Variants in NEDD4L observed in about 807,000 individuals in gnomAD.
NEDD4L encodes the protein NEDD4 like E3 ubiquitin protein ligase.
NEDD4L carries 54 observed loss-of-function variants against 148.9 expected under a neutral mutation model. The ratio of observed to expected loss-of-function variants is 0.36; its 90% CI spans 0.29 to 0.45. The LOEUF is 0.45. Ranked by LOEUF, NEDD4L falls within the 20% of genes least tolerant of loss-of-function variation. The pLI, the probability that NEDD4L is intolerant of heterozygous loss-of-function variation, is 1.00. For missense variants in NEDD4L, 856 were observed against 1,233.8 expected, an observed-to-expected ratio of 0.69 and a Z score of 4.59; for synonymous variants, 433 against 440.7, an observed-to-expected ratio of 0.98 and a Z score of 0.22.
At position 58,399,284 on chromosome 18, in the gene NEDD4L, G is replaced by C. The variant is rs2050697031; in HGVS notation, c.*3015G>C. 1 of 152,200 alleles carries C rather than the reference G, an allele frequency of 6.6e-6. No homozygotes were observed. The highest frequency in any genetic ancestry group is 1.5e-5 in the Non-Finnish European group (1 of 68,044). The allele number at this position is 152,200 out of a possible 1,614,324, so 9.4% of individuals were successfully genotyped here. A position where few individuals can be genotyped will look rare whatever the true frequency, so the allele number is the denominator to read the frequency against. On this transcript the variant is annotated 3_prime_UTR_variant, in exon 31 of 31. Transcript: ENST00000400345. Reference sequence around the variant, plus strand: ...GTGTTGCGGTGTATTCCCAGCTTCAGTGCTCTTTTCCTTTTTGCCTGAAAT... The same window carrying C: ...GTGTTGCGGTGTATTCCCAGCTTCACTGCTCTTTTCCTTTTTGCCTGAAAT...
chr18:58,218,429 G>GA (rs1407958502), intron 2 of NEDD4L, among the ~76,000 whole-genome samples: 1 of 152,146 alleles, frequency 6.6e-6, no homozygotes, highest in East Asian at 1.9e-4. Context: ...TTTGAGTTTA[G>GA]AAAAAATTCC....
intron 1 of NEDD4L, among the ~76,000 whole-genome samples, chr18:58,099,966 GT>G (rs200789745): frequency 0.028 from 4,255 of 152,132 alleles, 205 homozygotes; most frequent in African/African-American, 0.095. Context: ...CAAAGTGCAG[GT>G]CCCCCAAAAT....
chr18:58,347,449 G>T (rs886379868), intron 16 of NEDD4L, among the ~76,000 whole-genome samples: 24 of 152,082 alleles, frequency 1.6e-4, no homozygotes, highest in Non-Finnish European at 3.1e-4. Context: ...ATCAGAGTTA[G>T]CATTGAGTGG....
chr18:58,364,274 C>T lies in NEDD4L; in HGVS notation c.1774C>T (p.Pro592Ser). The T allele has an allele frequency of 1.3e-6, 2 of 1,546,572 alleles. No homozygotes were observed. The highest frequency in any genetic ancestry group is 1.8e-6 in the Non-Finnish European group (2 of 1,139,338). Residue 592 changes from proline to serine, a missense_variant, in exon 20 of 31, where the codon CCT (proline) becomes TCT (serine). Coordinates refer to ENST00000400345, the MANE Select transcript of NEDD4L (RefSeq NM_001144967.3). Reference sequence around the variant, plus strand: ...TTATAAATTTATCTTCCAGGCTGTCCCTTACTCCAGAGAATTTAAGCAGAA... The same window carrying T: ...TTATAAATTTATCTTCCAGGCTGTCTCTTACTCCAGAGAATTTAAGCAGAA... ...QNPAITGPAV[P>S]YSREFKQKYD...
intron 2 of NEDD4L, among the ~76,000 whole-genome samples, chr18:58,211,621 AAAT>A (rs1298102525): frequency 2.6e-5 from 4 of 152,246 alleles, no homozygotes; most frequent in Non-Finnish European, 4.4e-5. Flanking sequence ...TAATTGAATA[AAAT>A]AATCCTGAAG....
At chr18:58,278,755 T>A (rs532510820) in intron 5 of NEDD4L, among the ~76,000 whole-genome samples, 4 of 152,380 alleles carry the variant, frequency 2.6e-5, no homozygotes, top group African/African-American at 9.6e-5. Flanking sequence ...TATGTTTGCA[T>A]GTCTGTCTTC....
intron 1 of NEDD4L, among the ~76,000 whole-genome samples, chr18:58,117,572 G>T (rs2085930039): frequency 6.6e-6 from 1 of 152,146 alleles, no homozygotes; most frequent in Admixed American, 6.5e-5. Flanking sequence ...AGTTTCCCTG[G>T]GATTGTTCGA....
intron 5 of NEDD4L, among the ~76,000 whole-genome samples, chr18:58,271,875 CTCTAA>C (rs1391851519): frequency 1.3e-5 from 2 of 152,158 alleles, no homozygotes; most frequent in African/African-American, 4.8e-5. Flanking sequence ...ATGTGCTTCT[CTCTAA>C]TCTAATCTCT....
At chr18:58,217,879 A>G (rs562926049) in intron 2 of NEDD4L, among the ~76,000 whole-genome samples, 19 of 152,286 alleles carry the variant, frequency 1.2e-4, no homozygotes, top group African/African-American at 4.1e-4. Flanking sequence ...TTTTTAAACT[A>G]TTTTATGGTA....
Position 58,271,662 on chromosome 18 carries a change from G to GTGTA in NEDD4L, c.297+19611_297+19614dup, listed in dbSNP as rs535382752. On this transcript the variant is annotated intron_variant, in intron 5 of 30. Coordinates refer to ENST00000400345, the MANE Select transcript of NEDD4L (RefSeq NM_001144967.3). Reference sequence around the variant, plus strand: ...AACGAAAACCAAATTATAAACCAAGGTGTATGGTTGATTGTGGGTTAAGAA... The same window carrying GTGTA: ...AACGAAAACCAAATTATAAACCAAGGTGTATGTATGGTTGATTGTGGGTTAAGAA... Among the ~76,000 whole-genome samples the GTGTA allele has an allele frequency of 2.1e-3, 324 of 152,266 alleles. 1 individual carries two copies. The highest frequency in any genetic ancestry group is 3.6e-3 in the Non-Finnish European group (243 of 68,010).
chr18:58,070,453 T>C (rs996231601), intron 1 of NEDD4L, among the ~76,000 whole-genome samples: 1 of 151,992 alleles, frequency 6.6e-6, no homozygotes, highest in Non-Finnish European at 1.5e-5. Flanking sequence ...ATTTTTTTTG[T>C]AGAGATGGAG....
chr18:58,189,257 A>G (rs2039821604), intron 2 of NEDD4L, among the ~76,000 whole-genome samples: 1 of 152,182 alleles, frequency 6.6e-6, no homozygotes, highest in South Asian at 2.1e-4. Flanking sequence ...TTAAAAGTTC[A>G]GCCCCAGCTG....
intron 1 of NEDD4L, among the ~76,000 whole-genome samples, chr18:58,146,788 A>T (rs1331921523): frequency 6.6e-6 from 1 of 152,138 alleles, no homozygotes; most frequent in Non-Finnish European, 1.5e-5. Flanking sequence ...CTTGCTCCAC[A>T]CTCAGAAGGG....
At chr18:58,327,200 C>T (rs777897057) in intron 9 of NEDD4L, among the ~76,000 whole-genome samples, 7 of 152,150 alleles carry the variant, frequency 4.6e-5, no homozygotes, top group East Asian at 3.9e-4. Flanking sequence ...CAGGTTCAAG[C>T]GATTCTCCTG....
chr18:58,145,880 G>T (rs1327075285), intron 1 of NEDD4L, among the ~76,000 whole-genome samples: 1 of 150,248 alleles, frequency 6.7e-6, no homozygotes, highest in African/African-American at 2.4e-5. Context: ...TGTCAGTCAG[G>T]TGATTGAAAA....
At chr18:58,201,718 T>C (rs8094298) in intron 2 of NEDD4L, among the ~76,000 whole-genome samples, 8,726 of 152,278 alleles carry the variant, frequency 0.057, 812 homozygotes, top group African/African-American at 0.2. Flanking sequence ...GTTCTGGGAT[T>C]ATCCCTCCTC....
At chr18:58,264,401 A>G (rs2049920742) in intron 5 of NEDD4L, among the ~76,000 whole-genome samples, 1 of 152,168 alleles carries the variant, frequency 6.6e-6, no homozygotes, top group Non-Finnish European at 1.5e-5. Context: ...TGTTAGATTC[A>G]CAGATTTGCA....
chr18:58,128,378 T>G (rs1206679870), intron 1 of NEDD4L, among the ~76,000 whole-genome samples: 1 of 152,132 alleles, frequency 6.6e-6, no homozygotes, highest in Non-Finnish European at 1.5e-5. Flanking sequence ...CCCAGGAAAC[T>G]TAATAGGTCA....
Position 58,256,818 on chromosome 18 carries a change from C to T in NEDD4L, c.297+4764C>T. 2 of 1,226,122 alleles carry T rather than the reference C, an allele frequency of 1.6e-6. No individual in the cohort carries two copies. Among genetic ancestry groups the T allele is most frequent in the Non-Finnish European group, 2.0e-6 (2 of 982,856 alleles). The allele number at this position is 1,226,122 out of a possible 1,614,324, so 76.0% of individuals were successfully genotyped here. A position where few individuals can be genotyped will look rare whatever the true frequency, so the allele number is the denominator to read the frequency against. On this transcript the variant is annotated intron_variant, in intron 5 of 30. Transcript: ENST00000400345. The surrounding 1 kb of genome is among the most constrained non-coding windows in gnomAD (Gnocchi z 5.2). ...TACATGTGTTTACTGATTTCAACTTCGATGCTTACTCTGCGGCGTAACCAA... is the reference window on the plus strand; with the variant it reads ...TACATGTGTTTACTGATTTCAACTTTGATGCTTACTCTGCGGCGTAACCAA...
Sources: allele counts gnomAD v4.1 joint callset (sites outside exome capture counted in the v4.1 genomes callset), GRCh38; gene constraint gnomAD v4.1.1; non-coding constraint Gnocchi (gnomAD v3.1); transcripts MANE v1.5; gene names NCBI Gene and HGNC (gene_info 2026-07-23, HGNC 2026-07-21).